The following ITSN1 variants were observed in gnomAD, a reference collection of about 807,000 sequenced individuals.
The protein encoded by ITSN1 is intersectin-1.
ITSN1 carries 58 observed loss-of-function variants against 239.8 expected under a neutral mutation model. The ratio of observed to expected loss-of-function variants is 0.24; its 90% CI spans 0.20 to 0.30. ITSN1 has a LOEUF of 0.30. ITSN1 is among the 10% of genes least tolerant of loss of function. ITSN1 has a pLI of 1.00. For missense variants in ITSN1, 1,558 were observed against 2,103.3 expected (o/e 0.74, Z 5.07); for synonymous variants, 780 against 770.8 (o/e 1.01, Z -0.20).
At chr21:33,655,838 G>A (rs963052103) in intron 1 of ITSN1, among the ~76,000 whole-genome samples, 1 of 152,086 alleles carries the variant, frequency 6.6e-6, no homozygotes, top group East Asian at 1.9e-4. Flanking sequence ...CTGTGTCGTG[G>A]TGATGTCATG....
Position 33,867,342 on chromosome 21 carries a change from G to C in ITSN1, c.4173+11G>C. 1 of 1,518,784 alleles carries C rather than the reference G, an allele frequency of 6.6e-7. No individual in the cohort carries two copies. Among genetic ancestry groups the C allele is most frequent in the Non-Finnish European group, 9.1e-7 (1 of 1,093,152 alleles). The allele number at this position is 1,518,784 out of a possible 1,614,324, so 94.1% of individuals were successfully genotyped here. On this transcript the variant is annotated intron_variant, in intron 33 of 39. Coordinates refer to ENST00000381318, the MANE Select transcript of ITSN1 (RefSeq NM_003024.3). The stretch of plus-strand genomic sequence containing the variant: ...CTGATCATTAAAAATGTAAGTACCT[G>C]TCTTGCCTTTTCAAGCAGGGGACGG...
chr21:33,882,407 C>A lies in ITSN1; in HGVS notation c.4506C>A (p.Asp1502Glu), dbSNP rs1985078128. The change falls in exon 35 of 40, where the codon GAC becomes GAA. Residue 1502 changes from aspartate to glutamate, a missense_variant. This residue lies in a region of ITSN1 where 576 missense variants were observed against 893.3 expected (regional missense o/e 0.64). Transcript: ENST00000381318. The surrounding 1 kb of genome is among the most constrained non-coding windows in gnomAD (Gnocchi z 4.5). Reference protein sequence around the residue: ...ITKPLGSSGTDKVFSPKSNLQ... With the variant: ...ITKPLGSSGTEKVFSPKSNLQ... The stretch of plus-strand genomic sequence containing the variant: ...AGCCTTTGGGGTCTTCTGGCACCGA[C>A]AAAGTCTTCAGCCCCAAATCAAACC... 1 of 1,614,132 alleles carries A rather than the reference C, an allele frequency of 6.2e-7. No homozygotes were observed. Among genetic ancestry groups the A allele is most frequent in the Non-Finnish European group, 8.5e-7 (1 of 1,180,028 alleles).
chr21:33,796,856 G>T (rs577976394), intron 17 of ITSN1, among the ~76,000 whole-genome samples: 13 of 152,164 alleles, frequency 8.5e-5, no homozygotes, highest in Non-Finnish European at 1.5e-4. Flanking sequence ...TCAGGTTGAG[G>T]CCATCAAAAA....
rs1986968105 is a variant in ITSN1 at position 33,899,373 on chromosome 21, G to A, written c.*11073G>A. ...ACAGCCCTGCCCAGGGGTAGGACCA[G>A]GCCCGCCCCTTGATGGATGTGCTGT... On this transcript the variant is annotated 3_prime_UTR_variant, in exon 40 of 40. Transcript: ENST00000381318. 6.6e-6 allele frequency: 1 copy of A among 152,216 alleles called. No homozygotes were observed. Among genetic ancestry groups the A allele is most frequent in the African/African-American group, 2.4e-5 (1 of 41,450 alleles). 9.4% of individuals were successfully genotyped at this position (152,216 alleles called of 1,614,324 possible).
intron 5 of ITSN1, among the ~76,000 whole-genome samples, chr21:33,740,794 G>A (rs1274576311): frequency 6.6e-6 from 1 of 152,196 alleles, no homozygotes. Flanking sequence ...GCCAGGCACG[G>A]TGGCTCATGC....
In ITSN1 at chr21:33,890,432, C is replaced by G. The variant is rs2148581301; in HGVS notation, c.*2132C>G. On this transcript the variant is annotated 3_prime_UTR_variant, in exon 40 of 40. Transcript: ENST00000381318. ...ATCGTTTTAGGTCCCAGGTCACCCA[C>G]TCATAGTGTCCTATTATTGGAATTA... is the stretch of plus-strand genomic sequence containing the variant. 6.6e-6 allele frequency: 1 copy of G among 152,360 alleles called. No homozygotes were observed. Among genetic ancestry groups the G allele is most frequent in the Non-Finnish European group, 1.5e-5 (1 of 68,038 alleles). 9.4% of individuals were successfully genotyped at this position (152,360 alleles called of 1,614,324 possible).
chr21:33,880,751 C>T lies in ITSN1; in HGVS notation c.4342-1492C>T, dbSNP rs187074304. Among the ~76,000 whole-genome samples the T allele has an allele frequency of 1.3e-3, 204 of 152,194 alleles. 1 individual carries two copies. Among genetic ancestry groups the T allele is most frequent in the Non-Finnish European group, 1.8e-3 (119 of 67,978 alleles). On this transcript the variant is annotated intron_variant, in intron 34 of 39. Transcript: ENST00000381318. ...GGGCTCGTAGCTCAGGACAGAGCTC[C>T]GGAGCGCCCCCCAGGCCAATTGTGT... is the stretch of plus-strand genomic sequence containing the variant.
At position 33,653,239 on chromosome 21, in the gene ITSN1, C is replaced by T. The variant is rs573698791; in HGVS notation, c.-33+10526C>T. Among the ~76,000 whole-genome samples the T allele has an allele frequency of 6.6e-5, 10 of 152,258 alleles. No homozygotes were observed. The South Asian group carries it at 2.1e-3, about 32-fold the overall frequency. On this transcript the variant is annotated intron_variant, in intron 1 of 39. Transcript: ENST00000381318. ...CGAACTCCTCACTTCAGATGATCTGCCCTCCTCAGCCTCCCAAAGTGCTGG... is the reference window on the plus strand; with the variant it reads ...CGAACTCCTCACTTCAGATGATCTGTCCTCCTCAGCCTCCCAAAGTGCTGG...
At chr21:33,772,375 TCAGAATTATC>T (rs1569146735) in intron 12 of ITSN1, 52 bp downstream of exon 12, 3 of 1,537,706 alleles carry the variant, frequency 2.0e-6, no homozygotes, top group Non-Finnish European at 2.6e-6. Flanking sequence ...TCACCCCTTT[TCAGAATTATC>T]CAAGTGATCT....
At chr21:33,860,939 G>A (rs1308393855) in intron 31 of ITSN1, among the ~76,000 whole-genome samples, 1 of 149,932 alleles carries the variant, frequency 6.7e-6, no homozygotes, top group East Asian at 1.9e-4. Context: ...CCATCAGGGG[G>A]CTGATGTGTA....
At chr21:33,773,351 C>T (rs1450344880) in intron 12 of ITSN1, among the ~76,000 whole-genome samples, 1 of 152,080 alleles carries the variant, frequency 6.6e-6, no homozygotes, top group African/African-American at 2.4e-5. Flanking sequence ...ATGTCTGGGA[C>T]ATCCTCCCTA....
intron 29 of ITSN1, chr21:33,837,434 A>G (rs1346240320): frequency 1.0e-6 from 1 of 986,852 alleles, no homozygotes; most frequent in Non-Finnish European, 1.2e-6. Flanking sequence ...ATGTGCTATT[A>G]AAAATTGTTC....
intron 28 of ITSN1, among the ~76,000 whole-genome samples, chr21:33,834,831 G>A (rs1251770137): frequency 6.6e-6 from 1 of 152,112 alleles, no homozygotes; most frequent in South Asian, 2.1e-4. Context: ...CACGGGGGTT[G>A]GGGGGCTATA....
chr21:33,650,337 C>A (rs1029769905), intron 1 of ITSN1, among the ~76,000 whole-genome samples: 2 of 152,138 alleles, frequency 1.3e-5, no homozygotes, highest in Non-Finnish European at 2.9e-5. Flanking sequence ...TGACTCTTAC[C>A]ATAAAAGCAC....
At chr21:33,652,388 C>T (rs1433089935) in intron 1 of ITSN1, among the ~76,000 whole-genome samples, 2 of 152,140 alleles carry the variant, frequency 1.3e-5, no homozygotes, top group East Asian at 1.9e-4. Flanking sequence ...ATTCAGTCTT[C>T]GTTGCCTTGC....
At position 33,721,198 on chromosome 21, in the gene ITSN1, A is replaced by G. The variant is rs748576165; in HGVS notation, c.49A>G (p.Ile17Val). The change falls in exon 3 of 40, where the codon ATA (isoleucine) becomes GTA (valine). Residue 17 changes from isoleucine (I) to valine (V), a missense_variant. By Grantham distance (29) the Ile-to-Val change is conservative (BLOSUM62 3). Coordinates refer to ENST00000381318, the MANE Select transcript of ITSN1 (RefSeq NM_003024.3). ...TTTAGGCAGCCTGGATATCTGGGCC[A>G]TAACTGTAGAGGAAAGAGCGAAGCA... Reference protein sequence around the residue: ...PFGGSLDIWAITVEERAKHDQ... With the variant: ...PFGGSLDIWAVTVEERAKHDQ... 10 of 1,613,342 alleles carry G rather than the reference A, an allele frequency of 6.2e-6. No individual in the cohort carries two copies. The highest frequency in any genetic ancestry group is 2.7e-5 in the African/African-American group (2 of 74,948).
intron 1 of ITSN1, among the ~76,000 whole-genome samples, chr21:33,694,346 C>G (rs1048290971): frequency 6.6e-6 from 1 of 151,082 alleles, no homozygotes; most frequent in Non-Finnish European, 1.5e-5. Flanking sequence ...TCATAATTTA[C>G]CTAACTGTTC....
At chr21:33,666,820 A>G (rs990829966) in intron 1 of ITSN1, among the ~76,000 whole-genome samples, 5 of 152,170 alleles carry the variant, frequency 3.3e-5, no homozygotes, top group Admixed American at 2.0e-4. Context: ...TTATTTATTT[A>G]GAGACGGGGC....
chr21:33,748,195 A>G (rs904405144), intron 5 of ITSN1, among the ~76,000 whole-genome samples: 1 of 152,204 alleles, frequency 6.6e-6, no homozygotes, highest in Admixed American at 6.5e-5. Context: ...GGATGCATAC[A>G]GTGGCTCAGC....
Sources: gnomAD v4.1 joint callset for allele counts (sites outside exome capture counted in the v4.1 genomes callset) on GRCh38, gnomAD v4.1.1 for gene constraint, gnomAD v4.1.1 regional missense constraint, Gnocchi (gnomAD v3.1) non-coding constraint, MANE v1.5 for transcripts, NCBI Gene and HGNC (gene_info 2026-07-23, HGNC 2026-07-21) for gene names.